The following CKAP5 variants were observed in gnomAD, a reference collection of about 807,000 sequenced individuals.
CKAP5 encodes the protein cytoskeleton associated protein 5, also known as cytoskeleton-associated protein 5.
In CKAP5, 27 loss-of-function variants were observed where a neutral mutation model predicts 232.8. The ratio of observed to expected loss-of-function variants is 0.12; its 90% CI spans 0.09 to 0.16. The LOEUF (loss-of-function observed/expected upper bound fraction) is 0.16, where lower values mean the gene tolerates loss of function less well. Among genes scored for constraint, CKAP5 ranks in the 10% least tolerant of loss-of-function variants. The pLI is 1.00. For synonymous variants in CKAP5, 785 were observed against 841.1 expected, an observed-to-expected ratio of 0.93 and a Z score of 1.16; for missense variants, 1,838 against 2,424.7, an observed-to-expected ratio of 0.76 and a Z score of 5.08.
At chr11:46,801,123 T>A (rs1939021986) in intron 9 of CKAP5, 77 bp downstream of exon 9, 9 of 1,019,070 alleles carry the variant, frequency 8.8e-6, no homozygotes, top group African/African-American at 1.6e-5. Flanking sequence ...AGGAGTTGTT[T>A]TAAAGCAAAC....
intron 2 of CKAP5, among the ~76,000 whole-genome samples, chr11:46,818,763 C>T (rs1939463331): frequency 6.6e-6 from 1 of 152,172 alleles, no homozygotes; most frequent in Admixed American, 6.5e-5. Flanking sequence ...ATGAATCTCA[C>T]ATTGTATCTA....
At chr11:46,759,498 A>G (rs1014378165) in intron 33 of CKAP5, 56 bp from the exon 34 acceptor site, 2 of 1,537,710 alleles carry the variant, frequency 1.3e-6, no homozygotes, top group Middle Eastern at 1.8e-4. Flanking sequence ...ACCAAAGGGC[A>G]AGAGTAGCAC....
chr11:46,817,528 T>A (rs904269141), intron 3 of CKAP5, among the ~76,000 whole-genome samples: 2 of 152,220 alleles, frequency 1.3e-5, no homozygotes, highest in Non-Finnish European at 2.9e-5. Flanking sequence ...AGAAGAGAAA[T>A]TAAAAAGTGA....
chr11:46,840,333 C>T (rs1179965847), intron 1 of CKAP5, among the ~76,000 whole-genome samples: 2 of 152,080 alleles, frequency 1.3e-5, no homozygotes, highest in Non-Finnish European at 2.9e-5. Flanking sequence ...GGGCCTTTGT[C>T]TTTTTCTGGT....
In CKAP5 at chr11:46,790,163, A is replaced by C. The variant is rs566300050; in HGVS notation, c.1788T>G (p.Ala596=). ...TACAGGTAGGGGGAAGAACAGCTGAAGCTTTTTCTTCACATACTTCTATCT... is the reference window on the plus strand; with the variant it reads ...TACAGGTAGGGGGAAGAACAGCTGACGCTTTTTCTTCACATACTTCTATCT... ...ELSIEVCEEK[A]SAVLPPTCIQ... The change falls in exon 15 of 44, where the codon GCT becomes GCG. Residue 596 remains alanine, a synonymous_variant. Coordinates refer to ENST00000529230, the MANE Select transcript of CKAP5 (RefSeq NM_001008938.4). 7.5e-6 allele frequency: 12 copies of C among 1,608,266 alleles called. No individual in the cohort carries two copies. The highest frequency in any genetic ancestry group is 7.7e-6 in the Non-Finnish European group (9 of 1,175,688).
At position 46,750,600 on chromosome 11, in the gene CKAP5, T is replaced by G. The variant is rs1328556168; in HGVS notation, c.5472A>C (p.Ser1824=). 6.2e-7 allele frequency: 1 copy of G among 1,612,854 alleles called. No homozygotes were observed. Among genetic ancestry groups the G allele is most frequent in the Non-Finnish European group, 8.5e-7 (1 of 1,179,394 alleles). ...AGAAATCATTCACTTTGGCCTTTGATGATTTTTCATCCTGAAAAGTTGAAA... is the reference window on the plus strand; with the variant it reads ...AGAAATCATTCACTTTGGCCTTTGAGGATTTTTCATCCTGAAAAGTTGAAA... The part of the protein sequence containing the change: ...EKGASRIDEK[S]SKAKVNDFLA... Residue 1824 remains serine (S), a synonymous_variant, in exon 41 of 44, where the codon TCA becomes TCC. Transcript: ENST00000529230.
chr11:46,822,795 A>G (rs1444561110), intron 1 of CKAP5, among the ~76,000 whole-genome samples: 6 of 151,828 alleles, frequency 4.0e-5, no homozygotes, highest in African/African-American at 1.5e-4. Flanking sequence ...ATATGTAAAA[A>G]TGTTGATACT....
intron 28 of CKAP5, among the ~76,000 whole-genome samples, chr11:46,764,594 G>A (rs929577493): frequency 6.6e-6 from 1 of 152,082 alleles, no homozygotes; most frequent in Non-Finnish European, 1.5e-5. Flanking sequence ...GATAGTAGAG[G>A]TATAAAATAT....
At chr11:46,795,885 C>A in intron 12 of CKAP5, 109 bp from the exon 13 acceptor site, 1 of 964,718 alleles carries the variant, frequency 1.0e-6, no homozygotes, top group Non-Finnish European at 1.6e-6. Context: ...GAGAAATGGC[C>A]AGGCAAGGTG....
chr11:46,751,607 A>G, intron 38 of CKAP5, 73 bp from the exon 39 acceptor site: 1 of 1,287,912 alleles, frequency 7.8e-7, no homozygotes, highest in Admixed American at 2.1e-5. Context: ...CATCTTCCCT[A>G]AGCTTTGAGC....
At chr11:46,751,091 C>T (rs2065061152) in intron 40 of CKAP5, 27 bp downstream of exon 40, 1 of 1,613,602 alleles carries the variant, frequency 6.2e-7, no homozygotes, top group African/African-American at 1.3e-5. Context: ...CCTCATGTCC[C>T]TCAATCTTTC....
intron 12 of CKAP5, 86 bp from the exon 13 acceptor site, chr11:46,795,862 A>G: frequency 8.5e-7 from 1 of 1,176,702 alleles, no homozygotes; most frequent in Non-Finnish European, 1.2e-6. Flanking sequence ...CCACAACTAC[A>G]CATAAGAATT....
At chr11:46,824,435 C>T (rs954943507) in intron 1 of CKAP5, among the ~76,000 whole-genome samples, 3 of 152,090 alleles carry the variant, frequency 2.0e-5, no homozygotes, top group Admixed American at 2.0e-4. Flanking sequence ...GGTGTATAGC[C>T]TAGAAACTGA....
rs199749827 is a variant in CKAP5, at chr11:46,744,395, C to T, written c.5856+31G>A. 4.7e-4 allele frequency: 756 copies of T among 1,614,112 alleles called. 2 individuals are homozygous for T. Among genetic ancestry groups the T allele is most frequent in the Non-Finnish European group, 5.6e-4 (663 of 1,180,014 alleles). ...CTCGGACCTGCTTGTGACTACCCTCCCTGAACTGCACAGAAGAAAAGGAGC... is the reference window on the plus strand; with the variant it reads ...CTCGGACCTGCTTGTGACTACCCTCTCTGAACTGCACAGAAGAAAAGGAGC... On this transcript the variant is annotated intron_variant, in intron 43 of 43. Coordinates refer to ENST00000529230, the MANE Select transcript of CKAP5 (RefSeq NM_001008938.4).
intron 1 of CKAP5, among the ~76,000 whole-genome samples, chr11:46,841,010 T>C (rs980034167): frequency 6.6e-6 from 1 of 152,186 alleles, no homozygotes; most frequent in Non-Finnish European, 1.5e-5. Context: ...GGCTCATGCC[T>C]GTAATCCCAG....
rs188122213 is a variant in CKAP5, at chr11:46,806,406, C to T, written c.978+1625G>A. ...GAGCAATAAGATTTCTAATTAATAA[C>T]CAAATGCTGGAAGAATTGACAGAGA... On this transcript the variant is annotated intron_variant, in intron 8 of 43. Coordinates refer to ENST00000529230, the MANE Select transcript of CKAP5 (RefSeq NM_001008938.4). 2.8e-3 allele frequency among the ~76,000 whole-genome samples: 420 copies of T among 152,270 alleles called. 2 individuals are homozygous for T. Among genetic ancestry groups the T allele is most frequent in the African/African-American group, 9.6e-3 (398 of 41,552 alleles).
chr11:46,759,069 T>G, intron 34 of CKAP5, 26 bp from the exon 35 acceptor site: 1 of 1,610,564 alleles, frequency 6.2e-7, no homozygotes, highest in Non-Finnish European at 8.5e-7. Context: ...AAGAGAAAAC[T>G]TCAACCTCTA....
intron 1 of CKAP5, among the ~76,000 whole-genome samples, chr11:46,845,221 T>C (rs1940156471): frequency 6.6e-6 from 1 of 152,208 alleles, no homozygotes; most frequent in South Asian, 2.1e-4. Flanking sequence ...TTTCTAAAAA[T>C]GAGTTTTCAA....
Position 46,813,228 on chromosome 11 carries a change from G to A in CKAP5, c.459-2050C>T, listed in dbSNP as rs369401988. Among the ~76,000 whole-genome samples the A allele has an allele frequency of 1.1e-4, 17 of 151,930 alleles. 2 individuals are homozygous for A. The highest frequency in any genetic ancestry group is 7.7e-4 in the East Asian group (4 of 5,180). On this transcript the variant is annotated intron_variant, in intron 4 of 43. Coordinates refer to ENST00000529230, the MANE Select transcript of CKAP5 (RefSeq NM_001008938.4). Reference sequence around the variant, plus strand: ...TATTAAAAAAATTACATTTTAACTTGGCTCAGCTGACCTTTAAGATTAAAC... The same window carrying A: ...TATTAAAAAAATTACATTTTAACTTAGCTCAGCTGACCTTTAAGATTAAAC...
Sources: gnomAD v4.1 joint callset for allele counts (sites outside exome capture counted in the v4.1 genomes callset) on GRCh38, gnomAD v4.1.1 for gene constraint, MANE v1.5 for transcripts, NCBI Gene and HGNC (gene_info 2026-07-23, HGNC 2026-07-21) for gene names.